Variants in TIMP3 observed in about 807,000 individuals in gnomAD.
TIMP3 encodes the protein metalloproteinase inhibitor 3.
TIMP3 carries 11 observed loss-of-function variants against 30.0 expected under a neutral mutation model. The observed-to-expected ratio is 0.37, with a 90% CI of 0.23 to 0.61. TIMP3 has a LOEUF of 0.61. Among genes scored for constraint, TIMP3 ranks in the 20% least tolerant of loss-of-function variants. The pLI is 0.70. For synonymous variants in TIMP3, 112 were observed against 111.3 expected (o/e 1.01, Z -0.04); for missense variants, 181 against 276.8 (o/e 0.65, Z 2.45).
In TIMP3 at chr22:32,861,874, A is replaced by G. The variant is rs1269005489; in HGVS notation, c.*2497A>G. The stretch of plus-strand genomic sequence containing the variant: ...CATATCATGAACATTTTATTTTGCT[A>G]AATCTTGTGTCATGTGTAGGCTGTA... On this transcript the variant is annotated 3_prime_UTR_variant, in exon 5 of 5. Coordinates refer to ENST00000266085, the MANE Select transcript of TIMP3 (RefSeq NM_000362.5). 1 of 152,698 alleles carries G rather than the reference A, an allele frequency of 6.5e-6. No homozygotes were observed. The highest frequency in any genetic ancestry group is 1.9e-4 in the East Asian group (1 of 5,182). 9.5% of individuals were successfully genotyped at this position (152,698 alleles called of 1,614,324 possible). A position where few individuals can be genotyped will look rare whatever the true frequency, so the allele number is the denominator to read the frequency against.
intron 1 of TIMP3, among the ~76,000 whole-genome samples, chr22:32,835,333 G>A (rs543387549): frequency 2.6e-5 from 4 of 152,264 alleles, no homozygotes; most frequent in Admixed American, 2.0e-4. Context: ...ATGTAATTCC[G>A]GCAGAATTTA....
chr22:32,843,039 T>C (rs753593885), intron 1 of TIMP3, among the ~76,000 whole-genome samples: 30 of 152,182 alleles, frequency 2.0e-4, no homozygotes, highest in Non-Finnish European at 3.4e-4. Flanking sequence ...TGAAATCCCA[T>C]GTAAAGGTTT....
intron 1 of TIMP3, among the ~76,000 whole-genome samples, chr22:32,809,215 T>C (rs1197709597): frequency 6.6e-6 from 1 of 152,214 alleles, no homozygotes; most frequent in African/African-American, 2.4e-5. Flanking sequence ...ACTTGCAACC[T>C]ATACTTGCTT....
At chr22:32,832,423 A>C (rs981118806) in intron 1 of TIMP3, among the ~76,000 whole-genome samples, 1 of 152,180 alleles carries the variant, frequency 6.6e-6, no homozygotes, top group African/African-American at 2.4e-5. Context: ...TCCAGGAGGA[A>C]ATGATTTGTC....
At chr22:32,828,967 G>A (rs1251032393) in intron 1 of TIMP3, among the ~76,000 whole-genome samples, 2 of 152,100 alleles carry the variant, frequency 1.3e-5, no homozygotes, top group Non-Finnish European at 2.9e-5. Flanking sequence ...GGGTACATTG[G>A]TCCTTACCTC....
intron 1 of TIMP3, among the ~76,000 whole-genome samples, chr22:32,806,121 T>C (rs1569238552): frequency 6.6e-6 from 1 of 151,922 alleles, no homozygotes; most frequent in Admixed American, 6.6e-5. Flanking sequence ...TTCAAGACTC[T>C]TCCCTTAAAG....
chr22:32,838,294 T>C (rs2047795481), intron 1 of TIMP3, among the ~76,000 whole-genome samples: 1 of 152,050 alleles, frequency 6.6e-6, no homozygotes, highest in Non-Finnish European at 1.5e-5. Flanking sequence ...ATAAACACTA[T>C]GGCAGAGAGG....
At chr22:32,807,355 A>ATT (rs1200361200) in intron 1 of TIMP3, among the ~76,000 whole-genome samples, 69 of 19,900 alleles carry the variant, frequency 3.5e-3, no homozygotes, top group East Asian at 0.019. Flanking sequence ...ATAAATATAT[A>ATT]ATATATAATA....
At chr22:32,835,830 A>C (rs1228996074) in intron 1 of TIMP3, among the ~76,000 whole-genome samples, 2 of 152,292 alleles carry the variant, frequency 1.3e-5, no homozygotes, top group Admixed American at 1.3e-4. Flanking sequence ...CCCAGCTTGT[A>C]AGTGGAGATT....
intron 1 of TIMP3, among the ~76,000 whole-genome samples, chr22:32,810,139 GC>G (rs2046877352): frequency 6.6e-6 from 1 of 152,196 alleles, no homozygotes; most frequent in Non-Finnish European, 1.5e-5. Flanking sequence ...TTGACAGGAG[GC>G]CCACAGGTGT....
chr22:32,840,333 G>A (rs1021671109), intron 1 of TIMP3, among the ~76,000 whole-genome samples: 1 of 152,164 alleles, frequency 6.6e-6, no homozygotes, highest in African/African-American at 2.4e-5. Flanking sequence ...TTGATGGGGA[G>A]TGCATGTTAA....
rs1601557326 is a variant in TIMP3, at chr22:32,858,024, C to G, written c.324C>G (p.Val108=). Residue 108 remains valine (V), a synonymous_variant, in exon 4 of 5, where the codon GTC becomes GTG. Coordinates refer to ENST00000266085, the MANE Select transcript of TIMP3 (RefSeq NM_000362.5). ...NKYQYLLTGR[V]YDGKMYTGLC... ...TCTTCTTTCCTCCTGTAGGTCGCGT[C>G]TATGATGGCAAGATGTACACGGGGC... 6.2e-7 allele frequency: 1 copy of G among 1,614,066 alleles called. No homozygotes were observed.
intron 1 of TIMP3, among the ~76,000 whole-genome samples, chr22:32,818,643 G>GT (rs1191952714): frequency 6.6e-6 from 1 of 152,224 alleles, no homozygotes; most frequent in African/African-American, 2.4e-5. Flanking sequence ...AGGGCTGGGT[G>GT]TTTGTCTCCC....
intron 1 of TIMP3, among the ~76,000 whole-genome samples, chr22:32,826,875 C>G (rs906111490): frequency 2.0e-5 from 3 of 152,160 alleles, no homozygotes; most frequent in African/African-American, 4.8e-5. Flanking sequence ...TGTGACAACC[C>G]TAGGAGCCTG....
chr22:32,856,743 A>G (rs888235145), intron 2 of TIMP3, among the ~76,000 whole-genome samples: 1 of 152,176 alleles, frequency 6.6e-6, no homozygotes, highest in African/African-American at 2.4e-5. Context: ...TACTGATTCA[A>G]TGAACACTGG....
At chr22:32,855,696 C>T (rs1308834589) in intron 2 of TIMP3, among the ~76,000 whole-genome samples, 1 of 152,148 alleles carries the variant, frequency 6.6e-6, no homozygotes, top group African/African-American at 2.4e-5. Context: ...TGGGGGCTGT[C>T]CTGAGTATTA....
chr22:32,827,609 C>CT (rs754272668), intron 1 of TIMP3, among the ~76,000 whole-genome samples: 2 of 536 alleles, frequency 3.7e-3, no homozygotes, highest in African/African-American at 0.042. Context: ...CTTTTACAAG[C>CT]CACTCCCCTA....
intron 1 of TIMP3, among the ~76,000 whole-genome samples, chr22:32,824,306 C>T (rs575016660): frequency 4.6e-5 from 7 of 150,872 alleles, no homozygotes; most frequent in Non-Finnish European, 7.4e-5. Flanking sequence ...AGTGCCATCT[C>T]TCCATAACTC....
intron 3 of TIMP3, among the ~76,000 whole-genome samples, chr22:32,857,741 G>C (rs1366267335): frequency 6.6e-6 from 1 of 152,198 alleles, no homozygotes; most frequent in Admixed American, 6.5e-5. Context: ...CATTATAAAG[G>C]GAGTGAAGAG....
Sources: gnomAD v4.1 joint callset for allele counts (sites outside exome capture counted in the v4.1 genomes callset) on GRCh38, gnomAD v4.1.1 for gene constraint, MANE v1.5 for transcripts, NCBI Gene and HGNC (gene_info 2026-07-23, HGNC 2026-07-21) for gene names.